Variants in PPM1E observed in about 807,000 individuals in gnomAD.
The protein encoded by PPM1E is protein phosphatase 1E.
PPM1E carries 20 observed loss-of-function variants against 65.9 expected under a neutral mutation model. The ratio of observed to expected loss-of-function variants is 0.30; its 90% CI spans 0.21 to 0.44. The LOEUF is 0.44. Ranked by LOEUF, PPM1E falls within the 20% of genes least tolerant of loss-of-function variation. The pLI is 1.00. For missense variants in PPM1E, 713 were observed against 953.1 expected (o/e 0.75, Z 3.32); for synonymous variants, 352 against 374.9 (o/e 0.94, Z 0.70).
At chr17:58,789,758 AT>A (rs2050138569) in intron 1 of PPM1E, among the ~76,000 whole-genome samples, 4 of 151,606 alleles carry the variant, frequency 2.6e-5, no homozygotes, top group South Asian at 2.1e-4. Flanking sequence ...ATATATATAT[AT>A]ATAAAATGCA....
chr17:58,811,754 T>A (rs1449672879), intron 1 of PPM1E, among the ~76,000 whole-genome samples: 2 of 152,000 alleles, frequency 1.3e-5, no homozygotes, highest in Admixed American at 1.3e-4. Context: ...CTCTGCAACC[T>A]CCACCTCCCG....
chr17:58,954,695 T>C (rs554498409), intron 1 of PPM1E, among the ~76,000 whole-genome samples: 2 of 151,868 alleles, frequency 1.3e-5, no homozygotes, highest in Non-Finnish European at 2.9e-5. Flanking sequence ...CTGGCCAACA[T>C]AGTAAAACCC....
chr17:58,887,212 T>A (rs1167092400), intron 1 of PPM1E, among the ~76,000 whole-genome samples: 1 of 144,234 alleles, frequency 6.9e-6, no homozygotes, highest in Non-Finnish European at 1.5e-5. Flanking sequence ...TCGCCCAGGC[T>A]GGAGTGCAGT....
At chr17:58,883,176 C>T (rs1598627839) in intron 1 of PPM1E, among the ~76,000 whole-genome samples, 1 of 151,732 alleles carries the variant, frequency 6.6e-6, no homozygotes, top group African/African-American at 2.4e-5. Flanking sequence ...CAGGGCTGGT[C>T]TTGAACTCCT....
intron 1 of PPM1E, among the ~76,000 whole-genome samples, chr17:58,778,925 T>TAC (rs1181871937): frequency 4.7e-5 from 4 of 84,436 alleles, no homozygotes; most frequent in African/African-American, 2.2e-4. Flanking sequence ...AGATGATACA[T>TAC]ACATATATAT....
chr17:58,874,898 A>G (rs1433588998), intron 1 of PPM1E, among the ~76,000 whole-genome samples: 1 of 152,196 alleles, frequency 6.6e-6, no homozygotes, highest in Admixed American at 6.5e-5. Context: ...AATATTTTAT[A>G]TAAAAATTAT....
At chr17:58,943,890 G>C (rs191018710) in intron 1 of PPM1E, among the ~76,000 whole-genome samples, 8 of 152,254 alleles carry the variant, frequency 5.3e-5, no homozygotes, top group Admixed American at 5.2e-4. Flanking sequence ...CTGAGCACTA[G>C]AACAGTGCCT....
Position 58,983,929 on chromosome 17 carries a change from AAGGGAGTC to A in PPM1E, c.*2901_*2908del, listed in dbSNP as rs1482032686. On this transcript the variant is annotated 3_prime_UTR_variant, in exon 7 of 7. Coordinates refer to ENST00000308249, the MANE Select transcript of PPM1E (RefSeq NM_014906.5). ...CCTTGTACATTCACTGTGAGTTTCA[AAGGGAGTC>A]AGTCCCTAATTTACAGGTTTCCTTT... 1 of 152,616 alleles carries A rather than the reference AAGGGAGTC, an allele frequency of 6.6e-6. No homozygotes were observed. The highest frequency in any genetic ancestry group is 1.9e-4 in the East Asian group (1 of 5,196). 9.5% of individuals were successfully genotyped at this position (152,616 alleles called of 1,614,324 possible). A position where few individuals can be genotyped will look rare whatever the true frequency, so the allele number is the denominator to read the frequency against.
At chr17:58,894,953 A>G (rs1261722350) in intron 1 of PPM1E, among the ~76,000 whole-genome samples, 1 of 152,142 alleles carries the variant, frequency 6.6e-6, no homozygotes, top group East Asian at 1.9e-4. Context: ...ATTTTTTCAC[A>G]GATTCAAGGT....
At position 58,913,440 on chromosome 17, in the gene PPM1E, A is replaced by G. The variant is rs1598646314; in HGVS notation, c.465-42209A>G. Among the ~76,000 whole-genome samples the G allele has an allele frequency of 2.0e-5, 3 of 152,242 alleles. No individual in the cohort carries two copies. The East Asian group carries it at 5.9e-4, about 30-fold the overall frequency. ...TTAGATGTACAGGAAAGCTGCTAAG[A>G]TAATATGATAATTACCCAATGGGTT... On this transcript the variant is annotated intron_variant, in intron 1 of 6. Coordinates refer to ENST00000308249, the MANE Select transcript of PPM1E (RefSeq NM_014906.5).
chr17:58,948,261 G>A lies in PPM1E; in HGVS notation c.465-7388G>A, dbSNP rs576513377. 1.2e-3 allele frequency among the ~76,000 whole-genome samples: 178 copies of A among 152,084 alleles called. 5 individuals are homozygous for A. The South Asian group carries it at 0.023, about 19-fold the overall frequency. ...CATGCGGGACCAGGAATGCTGTTGC[G>A]GCCTTTTTAAAAATAATCTGCCACA... On this transcript the variant is annotated intron_variant, in intron 1 of 6. Coordinates refer to ENST00000308249, the MANE Select transcript of PPM1E (RefSeq NM_014906.5).
At chr17:58,978,080 G>T (rs1166577791) in intron 6 of PPM1E, among the ~76,000 whole-genome samples, 2 of 152,158 alleles carry the variant, frequency 1.3e-5, no homozygotes, top group Non-Finnish European at 2.9e-5. Context: ...TAGAAATAAT[G>T]AATATATAGT....
chr17:58,849,062 G>C (rs1039459029), intron 1 of PPM1E, among the ~76,000 whole-genome samples: 1 of 152,208 alleles, frequency 6.6e-6, no homozygotes, highest in African/African-American at 2.4e-5. Flanking sequence ...TATTTGTGTA[G>C]AGGTGTTTAT....
chr17:58,772,141 G>C (rs1203011737), intron 1 of PPM1E, among the ~76,000 whole-genome samples: 3 of 152,086 alleles, frequency 2.0e-5, no homozygotes, highest in Non-Finnish European at 1.5e-5. Flanking sequence ...TGCTGCCTCT[G>C]TACAGTATAC....
At chr17:58,809,886 A>G (rs545124500) in intron 1 of PPM1E, among the ~76,000 whole-genome samples, 1 of 152,378 alleles carries the variant, frequency 6.6e-6, no homozygotes, top group Non-Finnish European at 1.5e-5. Context: ...TGCAAGCCAC[A>G]TAATTTAAAA....
chr17:58,900,954 G>A (rs2143469196), intron 1 of PPM1E, among the ~76,000 whole-genome samples: 1 of 152,168 alleles, frequency 6.6e-6, no homozygotes, highest in South Asian at 2.1e-4. Context: ...TATCCTTTGA[G>A]ATAAATATTA....
chr17:58,951,702 A>G (rs9897828), intron 1 of PPM1E, among the ~76,000 whole-genome samples: 75 of 152,006 alleles, frequency 4.9e-4, no homozygotes, highest in African/African-American at 1.8e-3. Flanking sequence ...AAAGAAAAAT[A>G]AATGGAGCAG....
At chr17:58,944,394 A>G (rs1383657932) in intron 1 of PPM1E, among the ~76,000 whole-genome samples, 2 of 152,134 alleles carry the variant, frequency 1.3e-5, no homozygotes, top group Non-Finnish European at 2.9e-5. Context: ...CAAGGATTTT[A>G]ATACAGTCAC....
intron 1 of PPM1E, among the ~76,000 whole-genome samples, chr17:58,763,822 T>C (rs1020881922): frequency 2.6e-5 from 4 of 152,206 alleles, no homozygotes; most frequent in Admixed American, 6.6e-5. Context: ...TGCTTATAGC[T>C]GAATATGATC....
Sources: gnomAD v4.1 joint callset for allele counts (sites outside exome capture counted in the v4.1 genomes callset) on GRCh38, gnomAD v4.1.1 for gene constraint, MANE v1.5 for transcripts, NCBI Gene and HGNC (gene_info 2026-07-23, HGNC 2026-07-21) for gene names.